Variants in MARCHF1 observed in about 807,000 individuals in gnomAD.
MARCHF1 encodes membrane associated ring-CH-type finger 1.
In MARCHF1, 40 loss-of-function variants were observed where a neutral mutation model predicts 54.2. The observed-to-expected ratio is 0.74, with a 90% confidence interval of 0.57 to 0.96. The LOEUF is 0.96. Among genes scored for constraint, MARCHF1 ranks in the 40% least tolerant of loss-of-function variants. MARCHF1 has a pLI of 0.00. For missense variants in MARCHF1, 586 were observed against 656.5 expected, an observed-to-expected ratio of 0.89 and a Z score of 1.17; for synonymous variants, 236 against 236.3, an observed-to-expected ratio of 1.00 and a Z score of 0.01.
intron 5 of MARCHF1, among the ~76,000 whole-genome samples, chr4:163,695,630 C>T (rs998115885): frequency 2.0e-4 from 30 of 152,248 alleles, no homozygotes; most frequent in African/African-American, 7.2e-4. Context: ...TGAATTTCTT[C>T]TCATAAACAG....
intron 8 of MARCHF1, chr4:163,584,672 G>A (rs955454456): frequency 6.6e-6 from 1 of 152,218 alleles, no homozygotes; most frequent in African/African-American, 2.4e-5. Flanking sequence ...AGCAAGGAAT[G>A]TGATTCTCTC....
intron 1 of MARCHF1, among the ~76,000 whole-genome samples, chr4:164,297,994 A>C (rs1018483382): frequency 5.3e-5 from 8 of 152,128 alleles, no homozygotes; most frequent in African/African-American, 1.9e-4. Context: ...GACAAGTCAG[A>C]TCTTAATCCA....
rs191652413 is a variant in MARCHF1, at chr4:163,847,428, G to A, written c.111+6593C>T. 1.7e-3 allele frequency among the ~76,000 whole-genome samples: 257 copies of A among 150,896 alleles called. 1 individual carries two copies. Among genetic ancestry groups the A allele is most frequent in the African/African-American group, 6.1e-3 (249 of 41,120 alleles). On this transcript the variant is annotated intron_variant, in intron 4 of 9. Transcript: ENST00000514618. ...TAAATTTGTTTTATTTCTAGAGATT[G>A]TTTATGTTAAATTAGAAAAATCTTG...
At chr4:164,113,216 C>A (rs1197231619) in intron 1 of MARCHF1, among the ~76,000 whole-genome samples, 1 of 151,802 alleles carries the variant, frequency 6.6e-6, no homozygotes, top group Non-Finnish European at 1.5e-5. Flanking sequence ...TATGAAATAT[C>A]ATTGGGTGCA....
intron 1 of MARCHF1, among the ~76,000 whole-genome samples, chr4:164,288,451 A>G (rs1338272221): frequency 1.3e-5 from 2 of 152,124 alleles, no homozygotes; most frequent in African/African-American, 4.8e-5. Flanking sequence ...ATGGAGATTC[A>G]ATTCTGTTAT....
At chr4:163,835,828 C>T (rs997225305) in intron 4 of MARCHF1, among the ~76,000 whole-genome samples, 2 of 151,928 alleles carry the variant, frequency 1.3e-5, no homozygotes, top group Non-Finnish European at 2.9e-5. Flanking sequence ...GTACATATAA[C>T]CAGTTTATGC....
At chr4:163,822,362 T>C (rs868114572) in intron 4 of MARCHF1, among the ~76,000 whole-genome samples, 11 of 152,064 alleles carry the variant, frequency 7.2e-5, no homozygotes, top group African/African-American at 2.6e-4. Flanking sequence ...CTGCAATCTA[T>C]GTATTTGCCA....
intron 2 of MARCHF1, among the ~76,000 whole-genome samples, chr4:164,049,774 C>G (rs572046083): frequency 6.6e-6 from 1 of 152,322 alleles, no homozygotes; most frequent in South Asian, 2.1e-4. Context: ...TATACACACA[C>G]ATTTGAGAAA....
chr4:163,807,010 G>A (rs1017973259), intron 4 of MARCHF1, among the ~76,000 whole-genome samples: 1 of 152,088 alleles, frequency 6.6e-6, no homozygotes, highest in African/African-American at 2.4e-5. Context: ...TGCCACAAAA[G>A]AGTATCAGAT....
chr4:164,365,045 G>A (rs1730839382), intron 1 of MARCHF1, among the ~76,000 whole-genome samples: 1 of 151,924 alleles, frequency 6.6e-6, no homozygotes, highest in Non-Finnish European at 1.5e-5. Context: ...TTATTTAAAA[G>A]GAAGTGGAGT....
intron 8 of MARCHF1, among the ~76,000 whole-genome samples, chr4:163,581,272 T>C (rs1193758875): frequency 6.6e-6 from 1 of 152,222 alleles, no homozygotes; most frequent in Admixed American, 6.5e-5. Context: ...TTGATATGCC[T>C]ACATAAAATA....
chr4:163,911,106 G>A (rs1160192092), intron 3 of MARCHF1, among the ~76,000 whole-genome samples: 1 of 152,042 alleles, frequency 6.6e-6, no homozygotes, highest in Non-Finnish European at 1.5e-5. Context: ...GATTCAGGGG[G>A]TACATATACA....
At chr4:164,036,139 A>G (rs1028947357) in intron 2 of MARCHF1, among the ~76,000 whole-genome samples, 12 of 151,470 alleles carry the variant, frequency 7.9e-5, no homozygotes, top group African/African-American at 2.9e-4. Flanking sequence ...AACAAAAAAA[A>G]AAACAATTTT....
chr4:163,601,556 C>T (rs1315459551), intron 7 of MARCHF1, among the ~76,000 whole-genome samples: 1 of 151,994 alleles, frequency 6.6e-6, no homozygotes, highest in African/African-American at 2.4e-5. Context: ...AATCCTTCCT[C>T]TTCAATATTT....
At chr4:163,888,323 G>C (rs1333175347) in intron 3 of MARCHF1, among the ~76,000 whole-genome samples, 1 of 152,152 alleles carries the variant, frequency 6.6e-6, no homozygotes, top group Non-Finnish European at 1.5e-5. Flanking sequence ...GCACAGGGTA[G>C]AGAGGGAATA....
At chr4:163,710,366 A>C (rs1392476692) in intron 4 of MARCHF1, among the ~76,000 whole-genome samples, 2 of 151,954 alleles carry the variant, frequency 1.3e-5, no homozygotes, top group African/African-American at 4.8e-5. Flanking sequence ...TTTTGCACCA[A>C]CATAATATAT....
intron 4 of MARCHF1, among the ~76,000 whole-genome samples, chr4:163,723,822 C>G (rs943194170): frequency 6.6e-6 from 1 of 152,230 alleles, no homozygotes; most frequent in Non-Finnish European, 1.5e-5. Flanking sequence ...GAATCGGCTA[C>G]TGAAGCTTGT....
chr4:163,685,131 A>G (rs1344539421), intron 5 of MARCHF1, among the ~76,000 whole-genome samples: 2 of 152,230 alleles, frequency 1.3e-5, no homozygotes, highest in East Asian at 3.8e-4. Flanking sequence ...AATGATGGAC[A>G]GTAGGTCCTC....
chr4:163,735,782 T>C (rs1004466331), intron 4 of MARCHF1, among the ~76,000 whole-genome samples: 3 of 152,190 alleles, frequency 2.0e-5, no homozygotes, highest in East Asian at 3.8e-4. Context: ...GGAACACTCA[T>C]TGTTACCAAT....
Sources: allele counts gnomAD v4.1 joint callset (sites outside exome capture counted in the v4.1 genomes callset), GRCh38; gene constraint gnomAD v4.1.1; transcripts MANE v1.5; gene names NCBI Gene and HGNC (gene_info 2026-07-23, HGNC 2026-07-21).